The following NWD2 variants were observed in gnomAD, a reference collection of about 807,000 sequenced individuals.
NWD2 encodes NACHT and WD repeat domain-containing protein 2.
NWD2 carries 37 observed loss-of-function variants against 132.7 expected under a neutral mutation model. The ratio of observed to expected loss-of-function variants is 0.28; its 90% CI spans 0.21 to 0.37. The LOEUF is 0.37. Ranked by LOEUF, NWD2 falls within the 10% of genes least tolerant of loss-of-function variation. The pLI is 1.00. For missense variants in NWD2, 1,592 were observed against 2,122.4 expected, an observed-to-expected ratio of 0.75 and a Z score of 4.91; for synonymous variants, 705 against 803.0, an observed-to-expected ratio of 0.88 and a Z score of 2.06.
Position 37,430,705 on chromosome 4 carries a change from A to G in NWD2, c.491A>G (p.Asp164Gly). 1.3e-6 allele frequency: 2 copies of G among 1,551,616 alleles called. No homozygotes were observed. Among genetic ancestry groups the G allele is most frequent in the Non-Finnish European group, 1.7e-6 (2 of 1,146,858 alleles). ...TTGCTGGAGGAGTGGTACTGTCGAG[A>G]TGAGAACTCGGTGCCAGCAGCCTAT... ...TKLLEEWYCR[D>G]ENSVPAAYYL... is the part of the protein sequence containing the mutation. The change falls in exon 4 of 7, where the codon GAT (aspartate) becomes GGT (glycine). Residue 164 changes from aspartate to glycine, a missense_variant. Asp to Gly is a moderately conservative substitution (Grantham distance 94). Transcript: ENST00000309447.
intron 3 of NWD2, among the ~76,000 whole-genome samples, chr4:37,403,143 A>G (rs1393178326): frequency 6.6e-6 from 1 of 152,160 alleles, no homozygotes; most frequent in Non-Finnish European, 1.5e-5. Flanking sequence ...CTTTTCCAAC[A>G]AATATTTATT....
chr4:37,414,817 A>G (rs1311092554), intron 3 of NWD2, among the ~76,000 whole-genome samples: 2 of 152,218 alleles, frequency 1.3e-5, no homozygotes, highest in Non-Finnish European at 2.9e-5. Context: ...TAGAGCATTT[A>G]TGTGTCAGTT....
intron 1 of NWD2, among the ~76,000 whole-genome samples, chr4:37,248,979 A>G (rs551445409): frequency 1.3e-5 from 2 of 152,220 alleles, no homozygotes; most frequent in Non-Finnish European, 2.9e-5. Flanking sequence ...GTATAAGGAA[A>G]CATGAGTTCA....
chr4:37,286,396 T>G, intron 1 of NWD2, among the ~76,000 whole-genome samples: 1 of 152,238 alleles, frequency 6.6e-6, no homozygotes, highest in Non-Finnish European at 1.5e-5. Flanking sequence ...TTTCTTGCCA[T>G]GCATGCTACA....
At chr4:37,411,378 A>G (rs1721153447) in intron 3 of NWD2, among the ~76,000 whole-genome samples, 3 of 152,232 alleles carry the variant, frequency 2.0e-5, no homozygotes, top group South Asian at 4.1e-4. Context: ...AAACTAGAAA[A>G]TCTAGAAGAA....
At chr4:37,361,474 A>G (rs112366386) in intron 3 of NWD2, among the ~76,000 whole-genome samples, 28 of 152,338 alleles carry the variant, frequency 1.8e-4, no homozygotes, top group Admixed American at 1.0e-3. Context: ...AGCGCATCAA[A>G]AAGTTAAGTC....
intron 3 of NWD2, among the ~76,000 whole-genome samples, chr4:37,399,243 A>G (rs559989212): frequency 6.6e-6 from 1 of 152,306 alleles, no homozygotes; most frequent in Admixed American, 6.5e-5. Flanking sequence ...AGCAGAGCCA[A>G]TCACATTTTC....
chr4:37,444,701 G>A lies in NWD2; in HGVS notation c.2713G>A (p.Ala905Thr), dbSNP rs185137625. The A allele has an allele frequency of 9.0e-6, 14 of 1,552,130 alleles. No individual in the cohort carries two copies. The East Asian group carries it at 3.2e-4, about 35-fold the overall frequency. The change falls in exon 7 of 7, where the codon GCA becomes ACA. Residue 905 changes from alanine (A) to threonine (T), a missense_variant. Around this residue, in one of 7 missense-constraint regions of NWD2, gnomAD observed 1,071 missense variants for 1,398.0 expected, o/e 0.77. Coordinates refer to ENST00000309447, the MANE Select transcript of NWD2 (RefSeq NM_001144990.2). The surrounding 1 kb of genome is among the most constrained non-coding windows in gnomAD (Gnocchi z 4.8). ...TLRSIKNKVT[A>T]FPGSLSAELQ... ...CCGCAGCATCAAAAACAAGGTCACT[G>A]CATTTCCCGGCTCCCTTTCAGCAGA...
intron 3 of NWD2, among the ~76,000 whole-genome samples, chr4:37,359,284 T>C (rs964012422): frequency 2.6e-5 from 4 of 152,118 alleles, no homozygotes; most frequent in Admixed American, 1.3e-4. Flanking sequence ...TGTTACATGT[T>C]TAAACTCAGG....
intron 2 of NWD2, among the ~76,000 whole-genome samples, chr4:37,342,986 G>A (rs992006002): frequency 1.3e-5 from 2 of 152,070 alleles, no homozygotes; most frequent in South Asian, 4.2e-4. Context: ...GAGAATAATT[G>A]CAAGTGACCT....
At chr4:37,285,726 C>A (rs1718218871) in intron 1 of NWD2, among the ~76,000 whole-genome samples, 1 of 152,028 alleles carries the variant, frequency 6.6e-6, no homozygotes, top group African/African-American at 2.4e-5. Flanking sequence ...TAATACATGT[C>A]TATATATTTT....
chr4:37,447,324 G>A lies in NWD2; in HGVS notation c.*107G>A. The A allele has an allele frequency of 1.2e-6, 1 of 839,390 alleles. No individual in the cohort carries two copies. Among genetic ancestry groups the A allele is most frequent in the Non-Finnish European group, 1.8e-6 (1 of 547,802 alleles). The allele number at this position is 839,390 out of a possible 1,614,324, so 52.0% of individuals were successfully genotyped here. A position where few individuals can be genotyped will look rare whatever the true frequency, so the allele number is the denominator to read the frequency against. ...TTTATTAAAAGGCAGGAGCGATGCT[G>A]GAATTCCAGTGTTTTATTAAGATGT... On this transcript the variant is annotated 3_prime_UTR_variant, in exon 7 of 7. Coordinates refer to ENST00000309447, the MANE Select transcript of NWD2 (RefSeq NM_001144990.2).
chr4:37,303,974 T>C (rs998972840), intron 1 of NWD2, among the ~76,000 whole-genome samples: 3 of 152,220 alleles, frequency 2.0e-5, no homozygotes, highest in Non-Finnish European at 4.4e-5. Context: ...AGTTCTGTGC[T>C]GAATAAGAGT....
At chr4:37,349,228 T>C (rs1192854312) in intron 2 of NWD2, among the ~76,000 whole-genome samples, 1 of 152,162 alleles carries the variant, frequency 6.6e-6, no homozygotes, top group African/African-American at 2.4e-5. Flanking sequence ...AAATGGTATT[T>C]CTGTTTCTAG....
In NWD2 at chr4:37,445,168, C is replaced by T; in HGVS notation, c.3180C>T (p.Tyr1060=). The T allele has an allele frequency of 6.4e-7, 1 of 1,552,048 alleles. No individual in the cohort carries two copies. Among genetic ancestry groups the T allele is most frequent in the Non-Finnish European group, 8.7e-7 (1 of 1,147,070 alleles). The change falls in exon 7 of 7, where the codon TAC becomes TAT. Residue 1060 remains tyrosine (Y), a synonymous_variant. Transcript: ENST00000309447. This position sits in a 1 kb window ranked among gnomAD's most constrained non-coding sequence, Gnocchi z 4.7. The stretch of plus-strand genomic sequence containing the variant: ...CCAAGCATGGAAGCAGCGCCACCTA[C>T]ATCAATGGATTTACACTGTCCGCCA... ...KGTKHGSSAT[Y]INGFTLSANH... is the part of the protein sequence containing the mutation.
intron 3 of NWD2, among the ~76,000 whole-genome samples, chr4:37,411,932 C>T (rs575043788): frequency 2.1e-3 from 324 of 152,296 alleles, no homozygotes; most frequent in African/African-American, 7.5e-3. Context: ...CAAAATTCAA[C>T]ACCCATTCAT....
At chr4:37,338,551 G>A (rs373996591) in intron 2 of NWD2, among the ~76,000 whole-genome samples, 10 of 152,218 alleles carry the variant, frequency 6.6e-5, no homozygotes, top group Admixed American at 3.9e-4. Context: ...ACCAGAGGAC[G>A]AAGAATTGGG....
chr4:37,401,859 G>A (rs1105930), intron 3 of NWD2, among the ~76,000 whole-genome samples: 29,860 of 152,084 alleles, frequency 0.2, 3,074 homozygotes, highest in East Asian at 0.3. Flanking sequence ...ATCGTCCTCA[G>A]TGAAAAACCT....
chr4:37,265,547 C>T (rs1468467482), intron 1 of NWD2, among the ~76,000 whole-genome samples: 1 of 152,042 alleles, frequency 6.6e-6, no homozygotes, highest in Non-Finnish European at 1.5e-5. Context: ...TGTCTCCTTG[C>T]CTTTTGCATC....
Sources: allele counts gnomAD v4.1 joint callset (sites outside exome capture counted in the v4.1 genomes callset), GRCh38; gene constraint gnomAD v4.1.1; regional missense constraint gnomAD v4.1.1; non-coding constraint Gnocchi (gnomAD v3.1); transcripts MANE v1.5; gene names NCBI Gene and HGNC (gene_info 2026-07-23, HGNC 2026-07-21).